ABCA2: variants seen among roughly 807,000 people sequenced by gnomAD.
The protein encoded by ABCA2 is ATP binding cassette subfamily A member 2, also known as ATP-binding cassette sub-family A member 2.
A neutral mutation model predicts 262.8 loss-of-function variants in ABCA2; 84 were observed. That is an observed-to-expected ratio of 0.32 (90% confidence interval 0.27 to 0.38). The LOEUF is 0.38. ABCA2 is among the 10% of genes least tolerant of loss of function. The pLI is 1.00. For synonymous variants in ABCA2, 1,696 were observed against 1,502.9 expected (o/e 1.13, Z -2.97); for missense variants, 2,662 against 3,405.9 (o/e 0.78, Z 5.44).
At chr9:137,018,489 G>A in intron 13 of ABCA2, 138 bp from the exon 14 acceptor site, 1 of 685,296 alleles carries the variant, frequency 1.5e-6, no homozygotes, top group Non-Finnish European at 2.3e-6. Flanking sequence ...GGACAGGGCT[G>A]GGGTGGGGGC....
In ABCA2 at chr9:137,021,081, T is replaced by TG; in HGVS notation, c.898-21dup. 1 of 1,467,590 alleles carries TG rather than the reference T, an allele frequency of 6.8e-7. No individual in the cohort carries two copies. Among genetic ancestry groups the TG allele is most frequent in the Non-Finnish European group, 9.0e-7 (1 of 1,109,362 alleles). 90.9% of individuals were successfully genotyped at this position (1,467,590 alleles called of 1,614,324 possible). On this transcript the variant is annotated intron_variant, in intron 8 of 48. Coordinates refer to ENST00000341511, the MANE Select transcript of ABCA2 (RefSeq NM_001606.5). The surrounding 1 kb of genome is among the most constrained non-coding windows in gnomAD (Gnocchi z 6.0). ...GCCCAGCTGAGGGGAAACAGGCACG[T>TG]GGGCAGTGCGGGGTGAGATGGACTG...
Position 137,021,976 on chromosome 9 carries a change from G to A in ABCA2, c.593C>T (p.Ser198Leu), listed in dbSNP as rs575877638. 5 of 1,602,320 alleles carry A rather than the reference G, an allele frequency of 3.1e-6. No homozygotes were observed. Among genetic ancestry groups the A allele is most frequent in the Non-Finnish European group, 4.3e-6 (5 of 1,175,626 alleles). Residue 198 changes from serine (S) to leucine (L), a missense_variant, in exon 7 of 49, where the codon TCA (serine) becomes TTA (leucine). Transcript: ENST00000341511. This position sits in a 1 kb window ranked among gnomAD's most constrained non-coding sequence, Gnocchi z 6.0. The stretch of plus-strand genomic sequence containing the variant: ...GCCAGACTGTGAATCCAGGGCAGAT[G>A]AGGGACCAAAGAGCAGGTGGTAGAC... ...PEVYHLLFGP[S>L]SALDSQSGLH...
In ABCA2 at chr9:137,011,177, C is replaced by T. The variant is rs374736538; in HGVS notation, c.5923+9G>A. 41 of 1,612,346 alleles carry T rather than the reference C, an allele frequency of 2.5e-5. No individual in the cohort carries two copies. Among genetic ancestry groups the T allele is most frequent in the Admixed American group, 1.7e-4 (10 of 59,978 alleles). On this transcript the variant is annotated intron_variant, in intron 38 of 48. Transcript: ENST00000341511. This position sits in a 1 kb window ranked among gnomAD's most constrained non-coding sequence, Gnocchi z 8.8. Reference sequence around the variant, plus strand: ...CCCACCGCCTTCCCCGCCCCACGGGCCCCCTCACCAATCTTGGCGTAGTAC... The same window carrying T: ...CCCACCGCCTTCCCCGCCCCACGGGTCCCCTCACCAATCTTGGCGTAGTAC...
intron 48 of ABCA2, 191 bp downstream of exon 48, chr9:137,008,225 A>T (rs1447254396): frequency 1.2e-6 from 1 of 827,262 alleles, no homozygotes; most frequent in Non-Finnish European, 2.0e-6. Flanking sequence ...AGACTCTAGC[A>T]AGTCTGGACC....
At position 137,024,195 on chromosome 9, in the gene ABCA2, G is replaced by A. The variant is rs930092270; in HGVS notation, c.108C>T (p.Phe36=). 4 of 1,612,384 alleles carry A rather than the reference G, an allele frequency of 2.5e-6. No individual in the cohort carries two copies. The highest frequency in any genetic ancestry group is 1.7e-5 in the Admixed American group (1 of 59,890). Residue 36 remains phenylalanine (F), a synonymous_variant, in exon 2 of 49, where the codon TTC becomes TTT. Transcript: ENST00000341511. ...TCTGTCGCAGCCCCAGCAGGATAAAGAACAGCACCAGGGGGATGAAGATCT... is the reference window on the plus strand; with the variant it reads ...TCTGTCGCAGCCCCAGCAGGATAAAAAACAGCACCAGGGGGATGAAGATCT... ...AFEIFIPLVL[F]FILLGLRQKK...
Position 137,009,975 on chromosome 9 carries a change from A to T in ABCA2, c.6495+8T>A, listed in dbSNP as rs779450185. The T allele has an allele frequency of 6.3e-7, 1 of 1,596,646 alleles. No individual in the cohort carries two copies. Among genetic ancestry groups the T allele is most frequent in the African/African-American group, 1.3e-5 (1 of 74,492 alleles). ...GCTGACTCCCTGCCCCGCCCCACAGATCCTCACCCGGGCCTCGTCCTTCCA... is the reference window on the plus strand; with the variant it reads ...GCTGACTCCCTGCCCCGCCCCACAGTTCCTCACCCGGGCCTCGTCCTTCCA... On this transcript the variant is annotated splice_region_variant and intron_variant, in intron 42 of 48. Transcript: ENST00000341511.
chr9:137,014,842 A>T (rs1350241898), intron 25 of ABCA2, 32 bp from the exon 26 acceptor site: 1 of 1,585,666 alleles, frequency 6.3e-7, no homozygotes, highest in Non-Finnish European at 8.6e-7. Flanking sequence ...AGGCTGCGGC[A>T]GGGACGCCCA....
intron 1 of ABCA2, among the ~76,000 whole-genome samples, chr9:137,024,988 C>T (rs1052078549): frequency 6.6e-6 from 1 of 152,118 alleles, no homozygotes; most frequent in Admixed American, 6.5e-5. Context: ...TTAGTAGAGA[C>T]GGGGTTTCAC....
At chr9:137,023,741 G>C in intron 3 of ABCA2, 97 bp downstream of exon 3, 1 of 714,840 alleles carries the variant, frequency 1.4e-6, no homozygotes, top group Non-Finnish European at 2.6e-6. Flanking sequence ...CGGGAGGGCT[G>C]TTAATGCAAG....
chr9:137,020,349 C>T lies in ABCA2; in HGVS notation c.1412G>A (p.Arg471His), dbSNP rs200568358. The T allele has an allele frequency of 4.3e-4, 699 of 1,612,684 alleles. 5 individuals are homozygous for T. The South Asian group carries it at 6.1e-3, about 14-fold the overall frequency. Reference protein sequence around the residue: ...LYAPAGSEVDRVILKANETFA... With the variant: ...LYAPAGSEVDHVILKANETFA... ...AGACCCGTGCACCTTGAGGATGACG[C>T]GGTCGACCTCAGAGCCCGCAGGCGC... Residue 471 changes from arginine (R) to histidine (H), a missense_variant, in exon 10 of 49, where the codon CGC becomes CAC. Coordinates refer to ENST00000341511, the MANE Select transcript of ABCA2 (RefSeq NM_001606.5).
In ABCA2 at chr9:137,007,493, A is replaced by C. The variant is rs1013070053; in HGVS notation, c.*436T>G. ...GGCCAGAGGAGCCTCTTCTCAAAGC[A>C]AAATAAATACGGGACTGACCCAGCT... On this transcript the variant is annotated 3_prime_UTR_variant, in exon 49 of 49. Coordinates refer to ENST00000341511, the MANE Select transcript of ABCA2 (RefSeq NM_001606.5). 1.6e-5 allele frequency: 3 copies of C among 187,754 alleles called. No homozygotes were observed. The highest frequency in any genetic ancestry group is 7.2e-5 in the African/African-American group (3 of 41,872). 11.6% of individuals were successfully genotyped at this position (187,754 alleles called of 1,614,324 possible). A position where few individuals can be genotyped will look rare whatever the true frequency, so the allele number is the denominator to read the frequency against.
chr9:137,014,694 C>T lies in ABCA2; in HGVS notation c.3999G>A (p.Glu1333=), dbSNP rs1831193154. The change falls in exon 26 of 49, where the codon GAG becomes GAA. Residue 1333 remains glutamate, a synonymous_variant. Coordinates refer to ENST00000341511, the MANE Select transcript of ABCA2 (RefSeq NM_001606.5). The part of the protein sequence containing the change: ...SEEDQSLENS[E]ADVKESRKDV... ...CAAGTGGTCCAGGCCCCTCACCGGCCTCACTGTTCTCCAGCGACTGATCCT... is the reference window on the plus strand; with the variant it reads ...CAAGTGGTCCAGGCCCCTCACCGGCTTCACTGTTCTCCAGCGACTGATCCT... 6.2e-7 allele frequency: 1 copy of T among 1,606,416 alleles called. No homozygotes were observed. Among genetic ancestry groups the T allele is most frequent in the East Asian group, 2.2e-5 (1 of 44,624 alleles).
In ABCA2 at chr9:137,008,507, G is replaced by C. The variant is rs1830912590; in HGVS notation, c.7184C>G (p.Ser2395Cys). Residue 2395 changes from serine to cysteine, a missense_variant, in exon 48 of 49, where the codon TCT becomes TGT. Physicochemically the swap from Ser to Cys is moderately radical, Grantham distance 112. This residue lies in a region of ABCA2 where 212 missense variants were observed against 214.4 expected (regional missense o/e 0.99). Transcript: ENST00000341511. ...AAGTGCCCGGAGCTCCGTGGGGGCA[G>C]ACCGGGGCCGGAGCAGGCTGAGCAA... is the stretch of plus-strand genomic sequence containing the variant. ...GCLLSLLRPR[S>C]APTELRALVA... The C allele has an allele frequency of 6.3e-7, 1 of 1,584,446 alleles. No individual in the cohort carries two copies. Among genetic ancestry groups the C allele is most frequent in the African/African-American group, 1.3e-5 (1 of 74,576 alleles).
At chr9:137,020,530 TA>T (rs1588523616) in intron 9 of ABCA2, 35 bp from the exon 10 acceptor site, 5 of 1,558,796 alleles carry the variant, frequency 3.2e-6, no homozygotes, top group African/African-American at 2.7e-5. Flanking sequence ...GCCAGGCCGT[TA>T]GGGGGCAGGG....
chr9:137,014,173 A>G lies in ABCA2; in HGVS notation c.4235T>C (p.Leu1412Pro), dbSNP rs748356127. The part of the protein sequence containing the change: ...DNPQDPDNVS[L>P]QEVEAEALSR... The stretch of plus-strand genomic sequence containing the variant: ...CCTCACCCTGCCACCCCCACCTTGC[A>G]GGCTGACATTGTCTGGGTCCTGTGG... The change falls in exon 27 of 49, where the codon CTG becomes CCG. Residue 1412 changes from leucine (L) to proline (P), a missense_variant. This residue lies in a region of ABCA2 where 297 missense variants were observed against 286.5 expected (regional missense o/e 1.04). Coordinates refer to ENST00000341511, the MANE Select transcript of ABCA2 (RefSeq NM_001606.5). The G allele has an allele frequency of 6.2e-7, 1 of 1,606,080 alleles. No homozygotes were observed. Among genetic ancestry groups the G allele is most frequent in the South Asian group, 1.1e-5 (1 of 90,128 alleles).
rs1439013415 is a variant in ABCA2 at position 137,011,968 on chromosome 9, G to A, written c.5411C>T (p.Ser1804Phe). The A allele has an allele frequency of 6.2e-7, 1 of 1,612,700 alleles. No individual in the cohort carries two copies. Among genetic ancestry groups the A allele is most frequent in the Non-Finnish European group, 8.5e-7 (1 of 1,179,960 alleles). ...VIAIFIIVAMSFVPASFVVFL... is the reference protein window; with the variant it reads ...VIAIFIIVAMFFVPASFVVFL... Reference sequence around the variant, plus strand: ...GACAACGAAGCTGGCCGGCACGAAGGACATGGCCACGATGATGAAGATGGC... The same window carrying A: ...GACAACGAAGCTGGCCGGCACGAAGAACATGGCCACGATGATGAAGATGGC... Residue 1804 changes from serine (S) to phenylalanine (F), a missense_variant, in exon 35 of 49, where the codon TCC becomes TTC. By Grantham distance (155) the Ser-to-Phe change is radical. Around this residue, in one of 12 missense-constraint regions of ABCA2, gnomAD observed 602 missense variants for 897.4 expected, o/e 0.67. Transcript: ENST00000341511. This position sits in a 1 kb window ranked among gnomAD's most constrained non-coding sequence, Gnocchi z 8.8.
intron 1 of ABCA2, among the ~76,000 whole-genome samples, chr9:137,025,199 G>T (rs1831612804): frequency 6.6e-6 from 1 of 152,238 alleles, no homozygotes; most frequent in Non-Finnish European, 1.5e-5. Context: ...GCCCTAGTGG[G>T]ACCTGCGTGG....
Position 137,024,191 on chromosome 9 carries a change from T to A in ABCA2, c.112A>T (p.Ile38Phe). ...EIFIPLVLFF[I>F]LLGLRQKKPT... ...TTCTTCTGTCGCAGCCCCAGCAGGA[T>A]AAAGAACAGCACCAGGGGGATGAAG... The change falls in exon 2 of 49, where the codon ATC becomes TTC. Residue 38 changes from isoleucine (I) to phenylalanine (F), a missense_variant. By Grantham distance (21) the Ile-to-Phe change is conservative. Coordinates refer to ENST00000341511, the MANE Select transcript of ABCA2 (RefSeq NM_001606.5). The A allele has an allele frequency of 6.2e-7, 1 of 1,612,192 alleles. No homozygotes were observed. The highest frequency in any genetic ancestry group is 1.1e-5 in the South Asian group (1 of 90,866).
chr9:137,015,358 T>C, intron 24 of ABCA2, 56 bp downstream of exon 24: 1 of 1,503,502 alleles, frequency 6.7e-7, no homozygotes, highest in Non-Finnish European at 8.9e-7. Context: ...GATTCTCAGG[T>C]GGGGGTCCCG....
Sources: allele counts gnomAD v4.1 joint callset (sites outside exome capture counted in the v4.1 genomes callset), GRCh38; gene constraint gnomAD v4.1.1; regional missense constraint gnomAD v4.1.1; non-coding constraint Gnocchi (gnomAD v3.1); transcripts MANE v1.5; gene names NCBI Gene and HGNC (gene_info 2026-07-23, HGNC 2026-07-21).